Variants in KSR1 observed in about 807,000 individuals in gnomAD.
The protein encoded by KSR1 is kinase suppressor of ras 1.
KSR1 carries 35 observed loss-of-function variants against 92.9 expected under a neutral mutation model. The ratio of observed to expected loss-of-function variants is 0.38; its 90% CI spans 0.29 to 0.50. The LOEUF (loss-of-function observed/expected upper bound fraction) is 0.50. KSR1 is among the 20% of genes least tolerant of loss of function. KSR1 has a pLI of 0.94. For synonymous variants in KSR1, 467 were observed against 472.6 expected (o/e 0.99, Z 0.15); for missense variants, 972 against 1,158.5 (o/e 0.84, Z 2.34).
chr17:27,599,946 A>G (rs1414774542), intron 10 of KSR1, among the ~76,000 whole-genome samples: 3 of 152,128 alleles, frequency 2.0e-5, no homozygotes, highest in African/African-American at 4.8e-5. Context: ...AGGATCATCA[A>G]TATCACTGTC....
intron 1 of KSR1, among the ~76,000 whole-genome samples, chr17:27,511,412 A>G (rs538627048): frequency 6.6e-6 from 1 of 152,290 alleles, no homozygotes; most frequent in East Asian, 1.9e-4. Flanking sequence ...GGCTGTCTGT[A>G]CTTGGCTGGG....
At chr17:27,503,804 G>A (rs573855379) in intron 1 of KSR1, among the ~76,000 whole-genome samples, 1 of 152,270 alleles carries the variant, frequency 6.6e-6, no homozygotes, top group African/African-American at 2.4e-5. Flanking sequence ...CTAGATGGTG[G>A]AGGCGCCGTC....
rs138290256 is a variant in KSR1, at chr17:27,510,559, G to C, written c.232-40009G>C. ...GAAATCTAAGTCCTAACACCGAAGA[G>C]CTGAGTGGCCTTAGCTTAAGGTAAT... On this transcript the variant is annotated intron_variant, in intron 1 of 20. Coordinates refer to ENST00000644974, the MANE Select transcript of KSR1 (RefSeq NM_001394583.1). 4.6e-3 allele frequency among the ~76,000 whole-genome samples: 692 copies of C among 151,880 alleles called. 5 individuals carry two copies. The highest frequency in any genetic ancestry group is 0.016 in the African/African-American group (669 of 41,394).
At position 27,496,688 on chromosome 17, in the gene KSR1, T is replaced by C. The variant is rs78860644; in HGVS notation, c.231+39814T>C. On this transcript the variant is annotated intron_variant, in intron 1 of 20. Coordinates refer to ENST00000644974, the MANE Select transcript of KSR1 (RefSeq NM_001394583.1). ...GGGATCCTGGGGGATCTCAGGTTAA[T>C]GATTAAGCCCTGAGCCTTCATTCAA... Among the ~76,000 whole-genome samples the C allele has an allele frequency of 5.8e-3, 876 of 152,336 alleles. 10 individuals carry two copies. Among genetic ancestry groups the C allele is most frequent in the Non-Finnish European group, 7.6e-3 (514 of 68,034 alleles).
intron 1 of KSR1, among the ~76,000 whole-genome samples, chr17:27,507,189 CT>C (rs1214931565): frequency 6.6e-6 from 1 of 152,150 alleles, no homozygotes; most frequent in Non-Finnish European, 1.5e-5. Context: ...AATTCCAGCA[CT>C]TTGGGAGGCC....
Position 27,605,453 on chromosome 17 carries a change from G to A in KSR1, c.1634G>A (p.Gly545Asp). ...HEAEAEEPEA[G>D]KSEAEDDEDE... Reference sequence around the variant, plus strand: ...TTTCAGGCTGAGGAGCCAGAGGCTGGCAAGTCAGAGGCAGAAGACGATGAG... The same window carrying A: ...TTTCAGGCTGAGGAGCCAGAGGCTGACAAGTCAGAGGCAGAAGACGATGAG... The change falls in exon 14 of 21, where the codon GGC becomes GAC. Residue 545 changes from glycine (G) to aspartate (D), a missense_variant. Gly to Asp is a moderately conservative substitution (Grantham distance 94). Around this residue, in one of 5 missense-constraint regions of KSR1, gnomAD observed 611 missense variants for 668.0 expected, o/e 0.91. Coordinates refer to ENST00000644974, the MANE Select transcript of KSR1 (RefSeq NM_001394583.1). The A allele has an allele frequency of 6.2e-7, 1 of 1,609,740 alleles. No individual in the cohort carries two copies. The highest frequency in any genetic ancestry group is 1.1e-5 in the South Asian group (1 of 90,056).
rs563292789 is a variant in KSR1, at chr17:27,461,677, G to A, written c.231+4803G>A. Among the ~76,000 whole-genome samples the A allele has an allele frequency of 5.3e-5, 8 of 152,330 alleles. No homozygotes were observed. The South Asian group carries it at 1.5e-3, about 28-fold the overall frequency. On this transcript the variant is annotated intron_variant, in intron 1 of 20. Coordinates refer to ENST00000644974, the MANE Select transcript of KSR1 (RefSeq NM_001394583.1). ...TTAGAGGCAGCCTGGAGGGAGACCC[G>A]CAGTGGCTGTGAGCCTGGGGAGGGC...
At chr17:27,557,372 G>T (rs2071639709) in intron 2 of KSR1, among the ~76,000 whole-genome samples, 1 of 152,192 alleles carries the variant, frequency 6.6e-6, no homozygotes, top group Non-Finnish European at 1.5e-5. Flanking sequence ...GAAAGTCATG[G>T]CATCTGTCCC....
intron 2 of KSR1, among the ~76,000 whole-genome samples, chr17:27,563,972 A>ATTCGGTAGCTT (rs1474051265): frequency 1.2e-5 from 1 of 86,192 alleles, no homozygotes. Flanking sequence ...TACAGTTGGT[A>ATTCGGTAGCTT]TTCGGTAGCT....
At chr17:27,468,887 G>T (rs1413161007) in intron 1 of KSR1, among the ~76,000 whole-genome samples, 1 of 152,142 alleles carries the variant, frequency 6.6e-6, no homozygotes. Context: ...AGTTTTTAAC[G>T]AAGCAGGGCC....
chr17:27,609,097 T>C (rs1288712727), intron 15 of KSR1, 99 bp from the exon 16 acceptor site: 3 of 1,346,102 alleles, frequency 2.2e-6, no homozygotes, highest in African/African-American at 1.4e-5. Context: ...CTGCATGGAA[T>C]TGTGAAGATC....
At chr17:27,507,717 C>T (rs988093848) in intron 1 of KSR1, among the ~76,000 whole-genome samples, 1 of 151,574 alleles carries the variant, frequency 6.6e-6, no homozygotes, top group African/African-American at 2.4e-5. Context: ...GCTGGGATTA[C>T]AGGCATGAGC....
intron 1 of KSR1, among the ~76,000 whole-genome samples, chr17:27,479,912 C>G (rs937670084): frequency 1.3e-5 from 2 of 152,062 alleles, no homozygotes; most frequent in African/African-American, 4.8e-5. Flanking sequence ...TGGGTTGGAC[C>G]ATATTCTCTC....
At chr17:27,458,393 C>CT (rs983718756) in intron 1 of KSR1, among the ~76,000 whole-genome samples, 5 of 152,158 alleles carry the variant, frequency 3.3e-5, no homozygotes, top group African/African-American at 1.2e-4. Flanking sequence ...TGTTGCTGGG[C>CT]TTGGAGAATG....
chr17:27,622,428 G>A (rs1421663385), intron 20 of KSR1: 1 of 162,354 alleles, frequency 6.2e-6, no homozygotes, highest in Non-Finnish European at 1.3e-5. Context: ...AACAAGGAGT[G>A]GAATGATTTC....
At chr17:27,549,931 G>T (rs1363956352) in intron 1 of KSR1, among the ~76,000 whole-genome samples, 3 of 152,198 alleles carry the variant, frequency 2.0e-5, no homozygotes, top group African/African-American at 7.2e-5. Flanking sequence ...AACCCAGGCA[G>T]TTGGATTCTT....
intron 1 of KSR1, among the ~76,000 whole-genome samples, chr17:27,461,229 C>T (rs2019419457): frequency 6.6e-6 from 1 of 152,076 alleles, no homozygotes; most frequent in Non-Finnish European, 1.5e-5. Flanking sequence ...TACAGGCATG[C>T]CCCACTATGT....
chr17:27,520,137 C>T (rs1027455196), intron 1 of KSR1, among the ~76,000 whole-genome samples: 4 of 152,210 alleles, frequency 2.6e-5, no homozygotes, highest in African/African-American at 9.7e-5. Context: ...CTACACTGTT[C>T]CCATTTGACA....
At chr17:27,506,359 A>G (rs1429444271) in intron 1 of KSR1, among the ~76,000 whole-genome samples, 2 of 152,210 alleles carry the variant, frequency 1.3e-5, no homozygotes, top group Non-Finnish European at 2.9e-5. Flanking sequence ...CACTGCAATA[A>G]TTACAAGAGG....
Sources: allele counts gnomAD v4.1 joint callset (sites outside exome capture counted in the v4.1 genomes callset), GRCh38; gene constraint gnomAD v4.1.1; regional missense constraint gnomAD v4.1.1; transcripts MANE v1.5; gene names NCBI Gene and HGNC (gene_info 2026-07-23, HGNC 2026-07-21).